RBM39: variants seen among roughly 807,000 people sequenced by gnomAD.
The protein encoded by RBM39 is RNA-binding protein 39.
In RBM39, 12 loss-of-function variants were observed where a neutral mutation model predicts 79.6. The ratio of observed to expected loss-of-function variants is 0.15; its 90% CI spans 0.10 to 0.24. RBM39 has a LOEUF of 0.24. RBM39 is among the 10% of genes least tolerant of loss of function. RBM39 has a pLI of 1.00. For synonymous variants in RBM39, 185 were observed against 208.4 expected, an observed-to-expected ratio of 0.89 and a Z score of 0.97; for missense variants, 243 against 653.4, an observed-to-expected ratio of 0.37 and a Z score of 6.85.
chr20:35,718,622 A>G (rs570709298), intron 9 of RBM39, among the ~76,000 whole-genome samples: 1 of 152,062 alleles, frequency 6.6e-6, no homozygotes, highest in South Asian at 2.1e-4. Context: ...GACCAGCCTG[A>G]CCAACATGGA....
rs1255496734 is a variant in RBM39, at chr20:35,702,036, T to C, written c.*2445A>G. On this transcript the variant is annotated 3_prime_UTR_variant, in exon 17 of 17. Coordinates refer to ENST00000253363, the MANE Select transcript of RBM39 (RefSeq NM_184234.3). ...TTTCTAACCACTCATCAACAATCTA[T>C]ATAGCTTGCCCTCCACAAAACTTAC... 6.6e-6 allele frequency: 1 copy of C among 152,202 alleles called. No individual in the cohort carries two copies. Among genetic ancestry groups the C allele is most frequent in the Non-Finnish European group, 1.5e-5 (1 of 68,030 alleles). The allele number at this position is 152,202 out of a possible 1,614,324, so 9.4% of individuals were successfully genotyped here. A position where few individuals can be genotyped will look rare whatever the true frequency, so the allele number is the denominator to read the frequency against.
Position 35,732,001 on chromosome 20 carries a change from C to T in RBM39, c.236G>A (p.Arg79Lys). The T allele has an allele frequency of 6.2e-7, 1 of 1,614,186 alleles. No individual in the cohort carries two copies. The highest frequency in any genetic ancestry group is 1.1e-5 in the South Asian group (1 of 91,080). ...RERKRSRSKE[R>K]RRSRSRSRDR... ...TCGACTTCTTGAGCGGCTCCGTCGC[C>T]TCTCTTTGCTTCTACTTCGCTTTCT... is the stretch of plus-strand genomic sequence containing the variant. Residue 79 changes from arginine to lysine, a missense_variant, in exon 4 of 17, where the codon AGG becomes AAG. Coordinates refer to ENST00000253363, the MANE Select transcript of RBM39 (RefSeq NM_184234.3).
At chr20:35,707,750 A>G (rs2146490838) in intron 13 of RBM39, 1 of 249,572 alleles carries the variant, frequency 4.0e-6, no homozygotes, top group African/African-American at 2.4e-5. Flanking sequence ...AAATCCTATT[A>G]ATAAATCAAA....
chr20:35,738,458 A>T (rs1485199037), intron 3 of RBM39, among the ~76,000 whole-genome samples: 1 of 151,454 alleles, frequency 6.6e-6, no homozygotes, highest in Non-Finnish European at 1.5e-5. Flanking sequence ...GGCCTAAGAT[A>T]ATGAAAGCCA....
chr20:35,707,507 C>T (rs987857994), intron 13 of RBM39: 12 of 207,782 alleles, frequency 5.8e-5, no homozygotes, highest in African/African-American at 2.8e-4. Flanking sequence ...CACATCAATC[C>T]AAACAGATGA....
At chr20:35,723,219 C>G (rs1423784571) in intron 8 of RBM39, among the ~76,000 whole-genome samples, 1 of 146,878 alleles carries the variant, frequency 6.8e-6, no homozygotes, top group Non-Finnish European at 1.5e-5. Flanking sequence ...CCTCCATAAC[C>G]AAGATCGCCT....
intron 3 of RBM39, chr20:35,734,813 T>C (rs559907840): frequency 1.2e-5 from 17 of 1,391,454 alleles, no homozygotes; most frequent in Middle Eastern, 2.0e-4. Flanking sequence ...AACCAGTATA[T>C]TTCCAGCTTC....
intron 4 of RBM39, among the ~76,000 whole-genome samples, chr20:35,730,937 G>A (rs1013539329): frequency 2.0e-5 from 3 of 152,022 alleles, no homozygotes; most frequent in Admixed American, 6.6e-5. Context: ...AGCCAGAATC[G>A]GAATTCATGT....
chr20:35,724,794 T>C (rs547295740), intron 7 of RBM39, 72 bp from the exon 8 acceptor site: 5 of 1,503,878 alleles, frequency 3.3e-6, no homozygotes, highest in African/African-American at 2.8e-5. Context: ...AGAGACACTG[T>C]TGAAGGATGA....
intron 4 of RBM39, 50 bp from the exon 5 acceptor site, chr20:35,729,577 A>G (rs756275729): frequency 1.3e-6 from 2 of 1,530,190 alleles, no homozygotes; most frequent in South Asian, 2.3e-5. Context: ...GGGTCTTGCT[A>G]AGATCGCATT....
intron 1 of RBM39, 109 bp from the exon 2 acceptor site, chr20:35,740,996 A>G: frequency 1.8e-6 from 1 of 561,138 alleles, no homozygotes; most frequent in Non-Finnish European, 3.2e-6. Context: ...ACGCCTAGGA[A>G]AAGAACAAGA....
intron 12 of RBM39, 57 bp downstream of exon 12, chr20:35,712,962 A>AAAATTTTCC: frequency 6.7e-7 from 1 of 1,486,776 alleles, no homozygotes; most frequent in Non-Finnish European, 9.1e-7. Flanking sequence ...AAAAATTTGG[A>AAAATTTTCC]AAATTTTCGA....
intron 10 of RBM39, among the ~76,000 whole-genome samples, chr20:35,714,962 T>C (rs1307957561): frequency 6.6e-6 from 1 of 152,036 alleles, no homozygotes; most frequent in Non-Finnish European, 1.5e-5. Context: ...AATAAAAAAA[T>C]AAAATTGGTG....
intron 6 of RBM39, among the ~76,000 whole-genome samples, chr20:35,727,919 G>C (rs534164499): frequency 6.6e-6 from 1 of 152,170 alleles, no homozygotes; most frequent in Admixed American, 6.5e-5. Flanking sequence ...AGAGTGCTGG[G>C]ATTACAGGCG....
intron 3 of RBM39, chr20:35,734,303 T>C: frequency 9.1e-7 from 1 of 1,099,006 alleles, no homozygotes. Flanking sequence ...ATGTATATGC[T>C]AGGTAGCACA....
At chr20:35,722,468 T>C (rs1211589145) in intron 8 of RBM39, among the ~76,000 whole-genome samples, 3 of 147,352 alleles carry the variant, frequency 2.0e-5, no homozygotes, top group Non-Finnish European at 4.5e-5. Flanking sequence ...CTTTTTTTTT[T>C]TTTTTTTTGA....
chr20:35,715,019 G>C (rs896614091), intron 10 of RBM39, among the ~76,000 whole-genome samples: 4 of 152,118 alleles, frequency 2.6e-5, no homozygotes, highest in South Asian at 2.1e-4. Context: ...ATTGACGTAC[G>C]TAACAGCCTA....
Position 35,741,987 on chromosome 20 carries a change from T to C in RBM39, c.-60A>G, listed in dbSNP as rs1235117881. ...TGTGGTGCTCGTGTTCGGGAAGAGATTGCTGCTGCTGCTGCTGCTGCTGCC... is the reference window on the plus strand; with the variant it reads ...TGTGGTGCTCGTGTTCGGGAAGAGACTGCTGCTGCTGCTGCTGCTGCTGCC... On this transcript the variant is annotated 5_prime_UTR_variant, in exon 1 of 17. Transcript: ENST00000253363. 3 of 249,464 alleles carry C rather than the reference T, an allele frequency of 1.2e-5. No individual in the cohort carries two copies. Among genetic ancestry groups the C allele is most frequent in the Non-Finnish European group, 2.4e-5 (3 of 124,998 alleles). 15.5% of individuals were successfully genotyped at this position (249,464 alleles called of 1,614,324 possible). A position where few individuals can be genotyped will look rare whatever the true frequency, so the allele number is the denominator to read the frequency against.
chr20:35,734,868 A>C (rs2039741667), intron 3 of RBM39: 1 of 1,497,600 alleles, frequency 6.7e-7, no homozygotes, highest in South Asian at 1.4e-5. Context: ...ATCGAAATCC[A>C]CACTAATAGT....
Sources: gnomAD v4.1 joint callset for allele counts (sites outside exome capture counted in the v4.1 genomes callset) on GRCh38, gnomAD v4.1.1 for gene constraint, MANE v1.5 for transcripts, NCBI Gene and HGNC (gene_info 2026-07-23, HGNC 2026-07-21) for gene names.